The following PABIR1 variants were observed in gnomAD, a reference collection of about 807,000 sequenced individuals.
PABIR1 encodes the protein PP2A Aalpha (PPP2R1A) and B55A (PPP2R2A) interacting phosphatase regulator 1.
Under a neutral mutation model 14.6 loss-of-function variants are expected in PABIR1, and 2 were observed. That is an observed-to-expected ratio of 0.14 (90% CI 0.06 to 0.43). The LOEUF (loss-of-function observed/expected upper bound fraction) is 0.43. Among genes scored for constraint, PABIR1 ranks in the 20% least tolerant of loss-of-function variants. The probability of loss-of-function intolerance (pLI) is 0.99; values close to 1 mark genes in which losing one functional copy is unlikely to be tolerated. For missense variants in PABIR1, 294 were observed against 379.0 expected (o/e 0.78, Z 1.86); for synonymous variants, 163 against 155.4 (o/e 1.05, Z -0.36).
chr9:68,783,010 C>T lies in PABIR1; in HGVS notation c.*1982C>T, dbSNP rs1369156926. On this transcript the variant is annotated 3_prime_UTR_variant, in exon 1 of 1. Transcript: ENST00000394264. The stretch of plus-strand genomic sequence containing the variant: ...TTTCTTCCCTTCTCTATCTGTTGCC[C>T]CTGATTTTGCCTTAAGTTCTTGCCT... 7 of 167,008 alleles carry T rather than the reference C, an allele frequency of 4.2e-5. No individual in the cohort carries two copies. Among genetic ancestry groups the T allele is most frequent in the Non-Finnish European group, 1.0e-4 (7 of 68,118 alleles). 10.3% of individuals were successfully genotyped at this position (167,008 alleles called of 1,614,324 possible). A position where few individuals can be genotyped will look rare whatever the true frequency, so the allele number is the denominator to read the frequency against.
Position 68,780,086 on chromosome 9 carries a change from G to GCATCAAAAA in PABIR1, c.-78_-77insATCAAAAAC. 1 of 1,377,126 alleles carries GCATCAAAAA rather than the reference G, an allele frequency of 7.3e-7. No homozygotes were observed. 85.3% of individuals were successfully genotyped at this position (1,377,126 alleles called of 1,614,324 possible). A position where few individuals can be genotyped will look rare whatever the true frequency, so the allele number is the denominator to read the frequency against. On this transcript the variant is annotated 5_prime_UTR_variant, in exon 1 of 1. Transcript: ENST00000394264. ...TGACAGATTCTCGGTGGCGGCGGCA[G>GCATCAAAAA]CGGCGGCGGCCCTGGACTGCGGGGA...
rs1029183982 is a variant in PABIR1, at chr9:68,785,408, T to C, written c.*4380T>C. Among the ~76,000 whole-genome samples, 1 of 152,158 alleles carries C rather than the reference T, an allele frequency of 6.6e-6. No homozygotes were observed. The highest frequency in any genetic ancestry group is 2.4e-5 in the African/African-American group (1 of 41,428). ...ATCAGGGCTGAAGGCAAGCCTTGAG[T>C]GCCACTTACTTGGTAAAAAATTGTG... On this transcript the variant is annotated 3_prime_UTR_variant, in exon 1 of 1. Transcript: ENST00000394264.
Position 68,780,109 on chromosome 9 carries a change from G to A in PABIR1, c.-56G>A, listed in dbSNP as rs1220800538. The A allele has an allele frequency of 3.2e-5, 48 of 1,477,688 alleles. No homozygotes were observed. In the East Asian group the frequency reaches 4.7e-4, roughly 14 times the overall value. 91.5% of individuals were successfully genotyped at this position (1,477,688 alleles called of 1,614,324 possible). A position where few individuals can be genotyped will look rare whatever the true frequency, so the allele number is the denominator to read the frequency against. On this transcript the variant is annotated 5_prime_UTR_variant, in exon 1 of 1. Coordinates refer to ENST00000394264, the MANE Select transcript of PABIR1 (RefSeq NM_138333.5). ...CAGCGGCGGCGGCCCTGGACTGCGG[G>A]GAATGGGAATCCTAGGTCCCTGACT...
chr9:68,782,078 A>G lies in PABIR1; in HGVS notation c.*1050A>G, dbSNP rs974296644. 4.8e-5 allele frequency: 8 copies of G among 167,086 alleles called. No homozygotes were observed. The highest frequency in any genetic ancestry group is 1.9e-4 in the African/African-American group (8 of 41,448). The allele number at this position is 167,086 out of a possible 1,614,324, so 10.4% of individuals were successfully genotyped here. On this transcript the variant is annotated 3_prime_UTR_variant, in exon 1 of 1. Coordinates refer to ENST00000394264, the MANE Select transcript of PABIR1 (RefSeq NM_138333.5). ...TCACCTTACTGGTTTTCCCTTGTTC[A>G]GGAAGGAAGCAGCTGTTTCCTTGCC...
At position 68,784,583 on chromosome 9, in the gene PABIR1, A is replaced by G. The variant is rs1831501513; in HGVS notation, c.*3555A>G. ...AGTTTATTTGGCAATAAAATTGGGG[A>G]AGGAATCAAGACTTAAATGAGGAAA... On this transcript the variant is annotated 3_prime_UTR_variant, in exon 1 of 1. Coordinates refer to ENST00000394264, the MANE Select transcript of PABIR1 (RefSeq NM_138333.5). The G allele has an allele frequency of 6.0e-6, 1 of 167,028 alleles. No homozygotes were observed. The highest frequency in any genetic ancestry group is 2.1e-4 in the South Asian group (1 of 4,834). 10.3% of individuals were successfully genotyped at this position (167,028 alleles called of 1,614,324 possible).
In PABIR1 at chr9:68,780,096, C is replaced by CAAAAAA; in HGVS notation, c.-69_-68insAAAAAA. 17 of 1,430,228 alleles carry CAAAAAA rather than the reference C, an allele frequency of 1.2e-5. No homozygotes were observed. The highest frequency in any genetic ancestry group is 8.7e-5 in the Admixed American group (3 of 34,526). The allele number at this position is 1,430,228 out of a possible 1,614,324, so 88.6% of individuals were successfully genotyped here. On this transcript the variant is annotated 5_prime_UTR_variant, in exon 1 of 1. Transcript: ENST00000394264. ...TCGGTGGCGGCGGCAGCGGCGGCGG[C>CAAAAAA]CCTGGACTGCGGGGAATGGGAATCC...
rs1831463478 is a variant in PABIR1, at chr9:68,784,032, T to C, written c.*3004T>C. The C allele has an allele frequency of 6.0e-6, 1 of 166,990 alleles. No individual in the cohort carries two copies. The highest frequency in any genetic ancestry group is 1.5e-5 in the Non-Finnish European group (1 of 68,118). The allele number at this position is 166,990 out of a possible 1,614,324, so 10.3% of individuals were successfully genotyped here. ...GCCTTTCTTTTCCTTAAATACATCA[T>C]GTTCTCTCCTATTTTAGATCCTTTT... On this transcript the variant is annotated 3_prime_UTR_variant, in exon 1 of 1. Transcript: ENST00000394264.
In PABIR1 at chr9:68,781,155, C is replaced by T; in HGVS notation, c.*127C>T. ...GACCCCTTTTCTTTTTTGAAATTCC[C>T]TGAAATGATGTTATTCTAGAGAACT... On this transcript the variant is annotated 3_prime_UTR_variant, in exon 1 of 1. Transcript: ENST00000394264. 8 of 1,258,296 alleles carry T rather than the reference C, an allele frequency of 6.4e-6. No individual in the cohort carries two copies. Among genetic ancestry groups the T allele is most frequent in the South Asian group, 3.0e-5 (2 of 67,510 alleles). The allele number at this position is 1,258,296 out of a possible 1,614,324, so 77.9% of individuals were successfully genotyped here. A position where few individuals can be genotyped will look rare whatever the true frequency, so the allele number is the denominator to read the frequency against.
Position 68,781,023 on chromosome 9 carries a change from A to G in PABIR1, c.859A>G (p.Lys287Glu). Reference protein sequence around the residue: ...PFIPLDELSSK With the variant: ...PFIPLDELSSE Reference sequence around the variant, plus strand: ...TATTCCACTAGATGAACTTTCGTCTAAGTGATTCACTCATCCTGAGACTTT... The same window carrying G: ...TATTCCACTAGATGAACTTTCGTCTGAGTGATTCACTCATCCTGAGACTTT... The change falls in exon 1 of 1, where the codon AAG becomes GAG. Residue 287 changes from lysine to glutamate, a missense_variant. By Grantham distance (56) the Lys-to-Glu change is moderately conservative. This residue lies in a region of PABIR1 where 95 missense variants were observed against 100.8 expected (regional missense o/e 0.94). Coordinates refer to ENST00000394264, the MANE Select transcript of PABIR1 (RefSeq NM_138333.5). 1 of 1,612,232 alleles carries G rather than the reference A, an allele frequency of 6.2e-7. No individual in the cohort carries two copies. Among genetic ancestry groups the G allele is most frequent in the East Asian group, 2.2e-5 (1 of 44,854 alleles).
At position 68,781,311 on chromosome 9, in the gene PABIR1, T is replaced by A. The variant is rs1831260266; in HGVS notation, c.*283T>A. 3 of 306,498 alleles carry A rather than the reference T, an allele frequency of 9.8e-6. No homozygotes were observed. Among genetic ancestry groups the A allele is most frequent in the Non-Finnish European group, 1.9e-5 (3 of 157,704 alleles). The allele number at this position is 306,498 out of a possible 1,614,324, so 19.0% of individuals were successfully genotyped here. On this transcript the variant is annotated 3_prime_UTR_variant, in exon 1 of 1. Transcript: ENST00000394264. The stretch of plus-strand genomic sequence containing the variant: ...CTAAATACATATGTTATCCCTTGAT[T>A]TTTTTAAATAACTGAGAGCTCTATT...
At position 68,784,040 on chromosome 9, in the gene PABIR1, C is replaced by T. The variant is rs1209601926; in HGVS notation, c.*3012C>T. 2 of 167,096 alleles carry T rather than the reference C, an allele frequency of 1.2e-5. No individual in the cohort carries two copies. The highest frequency in any genetic ancestry group is 2.9e-5 in the Non-Finnish European group (2 of 68,132). The allele number at this position is 167,096 out of a possible 1,614,324, so 10.4% of individuals were successfully genotyped here. On this transcript the variant is annotated 3_prime_UTR_variant, in exon 1 of 1. Transcript: ENST00000394264. ...TTTCCTTAAATACATCATGTTCTCT[C>T]CTATTTTAGATCCTTTTCCCCGAAG...
Position 68,782,833 on chromosome 9 carries a change from ATCT to A in PABIR1, c.*1809_*1811del, listed in dbSNP as rs1001916520. The A allele has an allele frequency of 6.0e-6, 1 of 167,080 alleles. No individual in the cohort carries two copies. The allele number at this position is 167,080 out of a possible 1,614,324, so 10.3% of individuals were successfully genotyped here. A position where few individuals can be genotyped will look rare whatever the true frequency, so the allele number is the denominator to read the frequency against. On this transcript the variant is annotated 3_prime_UTR_variant, in exon 1 of 1. Transcript: ENST00000394264. ...ATTATCTTCAACACAGGAATTGTTA[ATCT>A]TCTCACTTCACCTGTTCTTGCATTA...
chr9:68,781,164 T>C lies in PABIR1; in HGVS notation c.*136T>C, dbSNP rs184142310. On this transcript the variant is annotated 3_prime_UTR_variant, in exon 1 of 1. Coordinates refer to ENST00000394264, the MANE Select transcript of PABIR1 (RefSeq NM_138333.5). ...TCTTTTTTGAAATTCCCTGAAATGA[T>C]GTTATTCTAGAGAACTTCTATGTCA... The C allele has an allele frequency of 1.7e-6, 2 of 1,197,952 alleles. No homozygotes were observed. The highest frequency in any genetic ancestry group is 4.9e-5 in the Admixed American group (2 of 40,948). The allele number at this position is 1,197,952 out of a possible 1,614,324, so 74.2% of individuals were successfully genotyped here. A position where few individuals can be genotyped will look rare whatever the true frequency, so the allele number is the denominator to read the frequency against.
In PABIR1 at chr9:68,780,983, A is replaced by G. The variant is rs574840756; in HGVS notation, c.819A>G (p.Gln273=). Residue 273 remains glutamine, a synonymous_variant, in exon 1 of 1, where the codon CAA becomes CAG. Coordinates refer to ENST00000394264, the MANE Select transcript of PABIR1 (RefSeq NM_138333.5). The stretch of plus-strand genomic sequence containing the variant: ...CCGACTCTCCTGTGTCACCTGCCCA[A>G]GCGGCTTCTCCATTTATTCCACTAG... ...TTTDSPVSPA[Q]AASPFIPLDE... is the part of the protein sequence containing the mutation. The G allele has an allele frequency of 3.7e-6, 6 of 1,614,164 alleles. No individual in the cohort carries two copies. The Admixed American group carries it at 6.7e-5, about 18-fold the overall frequency.
rs980209037 is a variant in PABIR1, at chr9:68,781,105, A to G, written c.*77A>G. On this transcript the variant is annotated 3_prime_UTR_variant, in exon 1 of 1. Transcript: ENST00000394264. ...TTGGGGCAAACACTGAACTTTGTCA[A>G]TTAATTTGAGGCTATTTCCTATTTG... 32 of 1,506,624 alleles carry G rather than the reference A, an allele frequency of 2.1e-5. No individual in the cohort carries two copies. Among genetic ancestry groups the G allele is most frequent in the African/African-American group, 4.2e-5 (3 of 71,420 alleles). 93.3% of individuals were successfully genotyped at this position (1,506,624 alleles called of 1,614,324 possible).
chr9:68,780,192 C>A lies in PABIR1; in HGVS notation c.28C>A (p.Leu10Met). The A allele has an allele frequency of 6.5e-7, 1 of 1,534,960 alleles. No individual in the cohort carries two copies. The highest frequency in any genetic ancestry group is 8.7e-7 in the Non-Finnish European group (1 of 1,147,896). ...GGCTCAGGAGAAGATGGAGCTAGAC[C>A]TGGAGCTGCCTCCGGGTACGGGCGG... MAQEKMELD[L>M]ELPPGTGGSP... is the part of the protein sequence containing the mutation. The change falls in exon 1 of 1, where the codon CTG (leucine) becomes ATG (methionine). Residue 10 changes from leucine (L) to methionine (M), a missense_variant. Transcript: ENST00000394264.
At position 68,784,141 on chromosome 9, in the gene PABIR1, G is replaced by T. The variant is rs1337404283; in HGVS notation, c.*3113G>T. ...TTTTAAATCAGATAAGGTTCTAAGG[G>T]CATGTGGACAATTTACGTTATCATA... On this transcript the variant is annotated 3_prime_UTR_variant, in exon 1 of 1. Coordinates refer to ENST00000394264, the MANE Select transcript of PABIR1 (RefSeq NM_138333.5). 6.0e-6 allele frequency: 1 copy of T among 167,082 alleles called. No homozygotes were observed. The highest frequency in any genetic ancestry group is 1.9e-4 in the East Asian group (1 of 5,210). The allele number at this position is 167,082 out of a possible 1,614,324, so 10.3% of individuals were successfully genotyped here.
Position 68,780,087 on chromosome 9 carries a change from C to CATTAAAAAA in PABIR1, c.-78_-77insATTAAAAAA. The CATTAAAAAA allele has an allele frequency of 1.4e-6, 2 of 1,411,338 alleles. No individual in the cohort carries two copies. The highest frequency in any genetic ancestry group is 1.7e-5 in the South Asian group (1 of 57,822). 87.4% of individuals were successfully genotyped at this position (1,411,338 alleles called of 1,614,324 possible). Reference sequence around the variant, plus strand: ...GACAGATTCTCGGTGGCGGCGGCAGCGGCGGCGGCCCTGGACTGCGGGGAA... The same window carrying CATTAAAAAA: ...GACAGATTCTCGGTGGCGGCGGCAGCATTAAAAAAGGCGGCGGCCCTGGACTGCGGGGAA... On this transcript the variant is annotated 5_prime_UTR_variant, in exon 1 of 1. Coordinates refer to ENST00000394264, the MANE Select transcript of PABIR1 (RefSeq NM_138333.5).
rs1209404667 is a variant in PABIR1, at chr9:68,785,437, G to C, written c.*4409G>C. 2.0e-5 allele frequency among the ~76,000 whole-genome samples: 3 copies of C among 152,212 alleles called. No individual in the cohort carries two copies. The highest frequency in any genetic ancestry group is 4.4e-5 in the Non-Finnish European group (3 of 68,026). ...ACTTACTTGGTAAAAAATTGTGTCA[G>C]ATTGCTCACTGTAGCCAAGACAGAG... On this transcript the variant is annotated 3_prime_UTR_variant, in exon 1 of 1. Transcript: ENST00000394264.
Sources: gnomAD v4.1 joint callset for allele counts (sites outside exome capture counted in the v4.1 genomes callset) on GRCh38, gnomAD v4.1.1 for gene constraint, gnomAD v4.1.1 regional missense constraint, MANE v1.5 for transcripts, NCBI Gene and HGNC (gene_info 2026-07-23, HGNC 2026-07-21) for gene names.